The following APOBEC4 variants were observed in gnomAD, a reference collection of about 807,000 sequenced individuals.
The protein encoded by APOBEC4 is putative deaminase APOBEC-4.
For missense variants in APOBEC4, 375 were observed against 441.2 expected, an observed-to-expected ratio of 0.85 and a Z score of 1.34; for synonymous variants, 141 against 154.2, an observed-to-expected ratio of 0.91 and a Z score of 0.63.
chr1:183,652,618 G>A (rs761133013), intron 1 of APOBEC4, among the ~76,000 whole-genome samples: 1 of 152,212 alleles, frequency 6.6e-6, no homozygotes, highest in Non-Finnish European at 1.5e-5. Context: ...AGGTGGAAAT[G>A]TACCCTGTTT....
chr1:183,652,760 A>C (rs1357147513), intron 1 of APOBEC4, among the ~76,000 whole-genome samples: 1 of 152,176 alleles, frequency 6.6e-6, no homozygotes, highest in Non-Finnish European at 1.5e-5. Context: ...CTTGGGAAAT[A>C]CATGTTATAC....
At chr1:183,652,446 T>G (rs1650828246) in intron 1 of APOBEC4, among the ~76,000 whole-genome samples, 1 of 152,232 alleles carries the variant, frequency 6.6e-6, no homozygotes, top group African/African-American at 2.4e-5. Flanking sequence ...TTCAGAGTCT[T>G]TCTGGGCTTG....
At chr1:183,653,012 C>T (rs1650878395) in intron 1 of APOBEC4, 60 bp downstream of exon 1, 1 of 152,226 alleles carries the variant, frequency 6.6e-6, no homozygotes, top group African/African-American at 2.4e-5. Flanking sequence ...GGAGTTTGCC[C>T]TTCACAATCT....
In APOBEC4 at chr1:183,648,819, A is replaced by C; in HGVS notation, c.-30-8T>G. The stretch of plus-strand genomic sequence containing the variant: ...TGTCTTCTAGCTGCAAACCTAAACA[A>C]GGAAGAGAAATTACATATAAAACCA... On this transcript the variant is annotated splice_region_variant and splice_polypyrimidine_tract_variant and intron_variant, in intron 1 of 1. Transcript: ENST00000308641. The C allele has an allele frequency of 6.7e-7, 1 of 1,488,508 alleles. No homozygotes were observed. The highest frequency in any genetic ancestry group is 9.0e-7 in the Non-Finnish European group (1 of 1,106,192). The allele number at this position is 1,488,508 out of a possible 1,614,324, so 92.2% of individuals were successfully genotyped here. A position where few individuals can be genotyped will look rare whatever the true frequency, so the allele number is the denominator to read the frequency against.
rs1234858230 is a variant in APOBEC4, at chr1:183,646,899, G to T, written c.*779C>A. 1 of 152,220 alleles carries T rather than the reference G, an allele frequency of 6.6e-6. No homozygotes were observed. The highest frequency in any genetic ancestry group is 1.5e-5 in the Non-Finnish European group (1 of 68,050). The allele number at this position is 152,220 out of a possible 1,614,324, so 9.4% of individuals were successfully genotyped here. ...AAGCTAAAGAGAAGGGAGAGACAGT[G>T]CTTGACCTGTAGGTACTTATGATCT... On this transcript the variant is annotated 3_prime_UTR_variant, in exon 2 of 2. Transcript: ENST00000308641.
chr1:183,648,724 A>T lies in APOBEC4; in HGVS notation c.58T>A (p.Tyr20Asn). ...CAATCGAGAGAGAAGCTTAGCCAGT[A>T]ATATGGTTTTACTATTGTTCCATGA... ...ANHGTIVKPY[Y>N]WLSFSLDCSN... The change falls in exon 2 of 2, where the codon TAC becomes AAC. Residue 20 changes from tyrosine to asparagine, a missense_variant. By Grantham distance (143) the Tyr-to-Asn change is moderately radical. Transcript: ENST00000308641. 6.2e-7 allele frequency: 1 copy of T among 1,614,026 alleles called. No individual in the cohort carries two copies. The highest frequency in any genetic ancestry group is 1.1e-5 in the South Asian group (1 of 91,078).
intron 1 of APOBEC4, among the ~76,000 whole-genome samples, chr1:183,650,500 A>ATGTG (rs1650659424): frequency 6.6e-6 from 1 of 152,126 alleles, no homozygotes; most frequent in African/African-American, 2.4e-5. Flanking sequence ...CCAACATCCC[A>ATGTG]CCACTGCACT....
intron 1 of APOBEC4, among the ~76,000 whole-genome samples, chr1:183,650,371 G>A (rs770622319): frequency 1.4e-4 from 21 of 151,958 alleles, no homozygotes; most frequent in Admixed American, 3.9e-4. Flanking sequence ...GTGAAACCCC[G>A]TCTCTACTAA....
In APOBEC4 at chr1:183,647,503, T is replaced by C; in HGVS notation, c.*175A>G. The C allele has an allele frequency of 2.9e-6, 3 of 1,030,520 alleles. No individual in the cohort carries two copies. Among genetic ancestry groups the C allele is most frequent in the Non-Finnish European group, 3.9e-6 (3 of 774,716 alleles). The allele number at this position is 1,030,520 out of a possible 1,614,324, so 63.8% of individuals were successfully genotyped here. ...TTGCTTATGGAAACATTTTGGATTA[T>C]GTTTAAAATAGTGTAACTTTATAAT... On this transcript the variant is annotated 3_prime_UTR_variant, in exon 2 of 2. Transcript: ENST00000308641.
rs148871218 is a variant in APOBEC4 at position 183,648,299 on chromosome 1, C to T, written c.483G>A (p.Glu161=). 35 of 1,614,092 alleles carry T rather than the reference C, an allele frequency of 2.2e-5. No individual in the cohort carries two copies. The African/African-American group carries it at 3.5e-4, about 16-fold the overall frequency. The change falls in exon 2 of 2, where the codon GAG becomes GAA. Residue 161 remains glutamate (E), a synonymous_variant. Coordinates refer to ENST00000308641, the MANE Select transcript of APOBEC4 (RefSeq NM_203454.3). ...SIYFSQLYHT[E]MDFPASAWNR... ...TCCATGCTGAGGCAGGAAAGTCCAT[C>T]TCAGTATGATAGAGCTGAGAAAAAT...
intron 1 of APOBEC4, among the ~76,000 whole-genome samples, chr1:183,649,563 C>G (rs1231154408): frequency 6.6e-6 from 1 of 152,050 alleles, no homozygotes; most frequent in African/African-American, 2.4e-5. Flanking sequence ...TAGGAAAGTG[C>G]CACTTGAGTA....
chr1:183,652,541 T>A (rs1650839211), intron 1 of APOBEC4, among the ~76,000 whole-genome samples: 1 of 152,222 alleles, frequency 6.6e-6, no homozygotes, highest in Non-Finnish European at 1.5e-5. Context: ...GTTTATTGTA[T>A]CAATTTGTTA....
chr1:183,648,741 G>A lies in APOBEC4; in HGVS notation c.41C>T (p.Thr14Ile). The change falls in exon 2 of 2, where the codon ACA (threonine) becomes ATA (isoleucine). Residue 14 changes from threonine to isoleucine, a missense_variant. By Grantham distance (89) the Thr-to-Ile change is moderately conservative (BLOSUM62 -1). Coordinates refer to ENST00000308641, the MANE Select transcript of APOBEC4 (RefSeq NM_203454.3). ...TAGCCAGTAATATGGTTTTACTATT[G>A]TTCCATGATTTGCTAGGTACTCCTC... ...IYEEYLANHG[T>I]IVKPYYWLSF... is the part of the protein sequence containing the mutation. The A allele has an allele frequency of 2.5e-6, 4 of 1,613,022 alleles. No homozygotes were observed. Among genetic ancestry groups the A allele is most frequent in the Non-Finnish European group, 3.4e-6 (4 of 1,179,538 alleles).
rs112010375 is a variant in APOBEC4, at chr1:183,651,171, A to T, written c.-31+1901T>A. Among the ~76,000 whole-genome samples, 608 of 152,260 alleles carry T rather than the reference A, an allele frequency of 4.0e-3. 4 individuals carry two copies. The highest frequency in any genetic ancestry group is 0.014 in the African/African-American group (576 of 41,534). On this transcript the variant is annotated intron_variant, in intron 1 of 1. Transcript: ENST00000308641. Reference sequence around the variant, plus strand: ...ATTTTTTTTCTTATTGTATTTAGAAATGCCTTCCTCATCAAAGCATAATTA... The same window carrying T: ...ATTTTTTTTCTTATTGTATTTAGAATTGCCTTCCTCATCAAAGCATAATTA...
intron 1 of APOBEC4, among the ~76,000 whole-genome samples, chr1:183,652,438 CAG>C (rs1359038945): frequency 1.3e-5 from 2 of 152,320 alleles, no homozygotes; most frequent in East Asian, 1.9e-4. Flanking sequence ...TTCACTTTTT[CAG>C]AGTCTTTCTG....
chr1:183,652,653 C>A (rs1198635699), intron 1 of APOBEC4, among the ~76,000 whole-genome samples: 1 of 152,242 alleles, frequency 6.6e-6, no homozygotes, highest in African/African-American at 2.4e-5. Context: ...CCTTAGCAAC[C>A]TTGATTGGCT....
intron 1 of APOBEC4, among the ~76,000 whole-genome samples, chr1:183,652,553 C>T (rs947235727): frequency 6.6e-6 from 1 of 152,118 alleles, no homozygotes; most frequent in South Asian, 2.1e-4. Context: ...AATTTGTTAT[C>T]GACCACAGAT....
Position 183,647,791 on chromosome 1 carries a change from T to C in APOBEC4, c.991A>G (p.Lys331Glu), listed in dbSNP as rs1174657. ...CCAGTGGGAAGCCTTCCAAGGTCCT[T>C]GGTTTCCTGGAATGACATTTGAGGC... is the stretch of plus-strand genomic sequence containing the variant. ...NMPQMSFQETKDLGRLPTGRS... is the reference protein window; with the variant it reads ...NMPQMSFQETEDLGRLPTGRS... The change falls in exon 2 of 2, where the codon AAG (lysine) becomes GAG (glutamate). Residue 331 changes from lysine to glutamate, a missense_variant. By Grantham distance (56) the Lys-to-Glu change is moderately conservative. Transcript: ENST00000308641. The C allele has an allele frequency of 0.39, 632,574 of 1,613,798 alleles. 126,232 individuals carry two copies. The highest frequency in any genetic ancestry group is 0.47 in the African/African-American group (35,561 of 74,898).
intron 1 of APOBEC4, 78 bp from the exon 2 acceptor site, chr1:183,648,889 C>T (rs1650514908): frequency 4.5e-6 from 4 of 891,656 alleles, no homozygotes; most frequent in Non-Finnish European, 6.8e-6. Context: ...TTAAACCATA[C>T]TTTCTTTAAA....
Sources: allele counts gnomAD v4.1 joint callset (sites outside exome capture counted in the v4.1 genomes callset), GRCh38; gene constraint gnomAD v4.1.1; transcripts MANE v1.5; gene names NCBI Gene and HGNC (gene_info 2026-07-23, HGNC 2026-07-21).